The following GALNTL6 variants were observed in gnomAD, a reference collection of about 807,000 sequenced individuals.
GALNTL6 encodes polypeptide N-acetylgalactosaminyltransferase-like 6.
GALNTL6 carries 46 observed loss-of-function variants against 73.7 expected under a neutral mutation model. The observed-to-expected ratio is 0.62, with a 90% CI of 0.49 to 0.80. The LOEUF is 0.80. Ranked by LOEUF, GALNTL6 falls within the 30% of genes least tolerant of loss-of-function variation. GALNTL6 has a pLI of 0.00. For missense variants in GALNTL6, 604 were observed against 755.0 expected, an observed-to-expected ratio of 0.80 and a Z score of 2.34; for synonymous variants, 259 against 263.7, an observed-to-expected ratio of 0.98 and a Z score of 0.17.
At chr4:171,890,111 T>A (rs1217059008) in intron 2 of GALNTL6, among the ~76,000 whole-genome samples, 1 of 152,148 alleles carries the variant, frequency 6.6e-6, no homozygotes, top group East Asian at 1.9e-4. Flanking sequence ...AGTTTCTGTG[T>A]ACTTACATCC....
intron 5 of GALNTL6, among the ~76,000 whole-genome samples, chr4:172,374,845 A>G (rs1742968741): frequency 6.6e-6 from 1 of 152,182 alleles, no homozygotes; most frequent in Non-Finnish European, 1.5e-5. Context: ...CATCTCTCCA[A>G]GCGAGGTTGA....
At chr4:171,966,554 G>GT (rs1421612038) in intron 2 of GALNTL6, among the ~76,000 whole-genome samples, 1 of 152,162 alleles carries the variant, frequency 6.6e-6, no homozygotes, top group Non-Finnish European at 1.5e-5. Context: ...TGTATGCCTG[G>GT]TATTTATAGT....
At chr4:172,452,169 T>C (rs190515904) in intron 5 of GALNTL6, among the ~76,000 whole-genome samples, 3 of 152,218 alleles carry the variant, frequency 2.0e-5, no homozygotes, top group African/African-American at 7.2e-5. Flanking sequence ...ACAAACGTAA[T>C]TGAAATTCAA....
At chr4:172,047,457 T>C (rs1386815227) in intron 2 of GALNTL6, among the ~76,000 whole-genome samples, 1 of 152,162 alleles carries the variant, frequency 6.6e-6, no homozygotes, top group Non-Finnish European at 1.5e-5. Context: ...AGTTGAATTT[T>C]GCCGTGCTTT....
At chr4:171,977,896 T>C (rs1243986657) in intron 2 of GALNTL6, among the ~76,000 whole-genome samples, 1 of 152,146 alleles carries the variant, frequency 6.6e-6, no homozygotes. Context: ...TGGCTTACTG[T>C]TTTGTTTTGA....
chr4:172,385,383 C>T (rs2111291707), intron 5 of GALNTL6, among the ~76,000 whole-genome samples: 2 of 152,136 alleles, frequency 1.3e-5, no homozygotes, highest in Middle Eastern at 6.8e-3. Flanking sequence ...TTGAAATCTT[C>T]AATATTTATC....
chr4:172,762,180 T>G (rs566634011), intron 5 of GALNTL6, among the ~76,000 whole-genome samples: 2 of 152,378 alleles, frequency 1.3e-5, no homozygotes, highest in South Asian at 4.1e-4. Context: ...GATTTTCATT[T>G]TTTTAATAGC....
intron 8 of GALNTL6, among the ~76,000 whole-genome samples, chr4:172,885,625 GTCT>G (rs1287688729): frequency 1.3e-5 from 2 of 152,126 alleles, no homozygotes; most frequent in African/African-American, 4.8e-5. Context: ...GAGCATCCTT[GTCT>G]TCTTCTAAAT....
intron 9 of GALNTL6, among the ~76,000 whole-genome samples, chr4:172,945,709 G>A (rs1390429848): frequency 6.6e-6 from 1 of 152,174 alleles, no homozygotes; most frequent in Non-Finnish European, 1.5e-5. Context: ...TGGGGAAGAA[G>A]GAAAAGGAAA....
chr4:171,837,607 A>T (rs2110836681), intron 2 of GALNTL6, among the ~76,000 whole-genome samples: 1 of 147,250 alleles, frequency 6.8e-6, no homozygotes, highest in Admixed American at 6.9e-5. Flanking sequence ...ATATATTAAT[A>T]GTAATTGATA....
intron 2 of GALNTL6, among the ~76,000 whole-genome samples, chr4:172,166,936 G>T (rs17058085): frequency 0.38 from 57,598 of 152,024 alleles, 11,190 homozygotes; most frequent in African/African-American, 0.41. Context: ...TAGAGAAGGG[G>T]ACAAGCCATT....
intron 8 of GALNTL6, among the ~76,000 whole-genome samples, chr4:172,892,915 T>C (rs11731506): frequency 6.6e-6 from 1 of 152,202 alleles, no homozygotes; most frequent in African/African-American, 2.4e-5. Flanking sequence ...GACCTACTGG[T>C]CCTCTGAGCT....
At chr4:172,274,562 C>G (rs1320725500) in intron 3 of GALNTL6, among the ~76,000 whole-genome samples, 1 of 152,092 alleles carries the variant, frequency 6.6e-6, no homozygotes, top group East Asian at 1.9e-4. Flanking sequence ...CCCAGAGCAT[C>G]AGAGTGTTTG....
intron 5 of GALNTL6, among the ~76,000 whole-genome samples, chr4:172,478,570 T>TA (rs1233833295): frequency 2.0e-5 from 3 of 152,146 alleles, no homozygotes; most frequent in Non-Finnish European, 4.4e-5. Context: ...GGAGAAACCC[T>TA]AGGAAACACT....
At chr4:172,441,350 C>T (rs1406270530) in intron 5 of GALNTL6, among the ~76,000 whole-genome samples, 1 of 151,954 alleles carries the variant, frequency 6.6e-6, no homozygotes, top group Non-Finnish European at 1.5e-5. Flanking sequence ...CTTTATTATT[C>T]ATAGATTCCA....
intron 3 of GALNTL6, among the ~76,000 whole-genome samples, chr4:172,305,127 A>G (rs961840510): frequency 1.3e-5 from 2 of 152,162 alleles, no homozygotes; most frequent in Non-Finnish European, 2.9e-5. Context: ...AGTGGTGCAT[A>G]TAGTAGACAA....
chr4:172,229,885 T>C (rs1339500020), intron 3 of GALNTL6, 121 bp downstream of exon 3: 1 of 632,876 alleles, frequency 1.6e-6, no homozygotes, highest in Non-Finnish European at 2.8e-6. Flanking sequence ...ATGGGGATAT[T>C]GGAGGTGATA....
At chr4:171,963,668 T>C (rs1465366736) in intron 2 of GALNTL6, among the ~76,000 whole-genome samples, 2 of 152,206 alleles carry the variant, frequency 1.3e-5, no homozygotes, top group Non-Finnish European at 2.9e-5. Context: ...GTAAATCGCT[T>C]ACTTAAACAG....
intron 2 of GALNTL6, among the ~76,000 whole-genome samples, chr4:171,819,558 G>A (rs1167927595): frequency 6.6e-6 from 1 of 152,148 alleles, no homozygotes; most frequent in Non-Finnish European, 1.5e-5. Flanking sequence ...GGTTTAAACG[G>A]TGTAGAAGAA....
Sources: allele counts gnomAD v4.1 joint callset (sites outside exome capture counted in the v4.1 genomes callset), GRCh38; gene constraint gnomAD v4.1.1; transcripts MANE v1.5; gene names NCBI Gene and HGNC (gene_info 2026-07-23, HGNC 2026-07-21).